INSR: variants seen among roughly 807,000 people sequenced by gnomAD.
INSR encodes the protein IR.
INSR carries 67 observed loss-of-function variants against 142.6 expected under a neutral mutation model. The ratio of observed to expected loss-of-function variants is 0.47; its 90% CI spans 0.39 to 0.58. The LOEUF is 0.58. INSR is among the 20% of genes least tolerant of loss of function. The probability of loss-of-function intolerance (pLI) is 0.00; values close to 1 mark genes in which losing one functional copy is unlikely to be tolerated. For synonymous variants in INSR, 756 were observed against 743.1 expected (o/e 1.02, Z -0.28); for missense variants, 1,248 against 1,833.2 (o/e 0.68, Z 5.83).
At chr19:7,187,048 C>T (rs1289258765) in intron 2 of INSR, among the ~76,000 whole-genome samples, 1 of 151,402 alleles carries the variant, frequency 6.6e-6, no homozygotes, top group Non-Finnish European at 1.5e-5. Flanking sequence ...CTCTAGGAAC[C>T]TCATATAAGT....
At chr19:7,248,751 A>G (rs1412203923) in intron 2 of INSR, among the ~76,000 whole-genome samples, 1 of 80,760 alleles carries the variant, frequency 1.2e-5, no homozygotes, top group Non-Finnish European at 2.2e-5. Flanking sequence ...CCGGTTGGCC[A>G]GAATTTTTTT....
At chr19:7,210,938 G>A (rs539643329) in intron 2 of INSR, among the ~76,000 whole-genome samples, 90 of 151,884 alleles carry the variant, frequency 5.9e-4, no homozygotes, top group Middle Eastern at 6.8e-3. Context: ...CCATGTTGGC[G>A]AGGCTGGTCT....
intron 2 of INSR, among the ~76,000 whole-genome samples, chr19:7,202,942 A>AC (rs1177939288): frequency 6.7e-6 from 1 of 149,736 alleles, no homozygotes; most frequent in Non-Finnish European, 1.5e-5. Flanking sequence ...AGAGATTAGA[A>AC]CCCGTACAAT....
intron 11 of INSR, among the ~76,000 whole-genome samples, chr19:7,144,771 A>G (rs1326646756): frequency 6.6e-6 from 1 of 151,172 alleles, no homozygotes; most frequent in Non-Finnish European, 1.5e-5. Context: ...TTACTTCCCC[A>G]AAGTAGATTC....
At position 7,122,627 on chromosome 19, in the gene INSR, A is replaced by G; in HGVS notation, c.3516T>C (p.Thr1172=). 1 of 1,614,232 alleles carries G rather than the reference A, an allele frequency of 6.2e-7. No homozygotes were observed. The highest frequency in any genetic ancestry group is 8.5e-7 in the Non-Finnish European group (1 of 1,180,040). The part of the protein sequence containing the change: ...ARNCMVAHDF[T]VKIGDFGMTR... ...AGCCAGACGAACCTCCAATTTTGAC[A>G]GTAAAATCATGGGCGACCATGCAGT... Residue 1172 remains threonine (T), a synonymous_variant, in exon 19 of 22, where the codon ACT becomes ACC. Coordinates refer to ENST00000302850, the MANE Select transcript of INSR (RefSeq NM_000208.4).
At position 7,172,397 on chromosome 19, in the gene INSR, G is replaced by A. The variant is rs756266703; in HGVS notation, c.1161C>T (p.Leu387=). ...TTAGATACCCTGAAATTTCTTCAAT[G>A]AGGCCGAGGTTGGCTTCTAGCTCAG... ...LAAELEANLG[L]IEEISGYLKI... Residue 387 remains leucine, a synonymous_variant, in exon 5 of 22, where the codon CTC becomes CTT. Coordinates refer to ENST00000302850, the MANE Select transcript of INSR (RefSeq NM_000208.4). 1.2e-6 allele frequency: 2 copies of A among 1,613,992 alleles called. No homozygotes were observed. Among genetic ancestry groups the A allele is most frequent in the Admixed American group, 1.7e-5 (1 of 59,976 alleles).
intron 2 of INSR, among the ~76,000 whole-genome samples, chr19:7,251,418 G>A (rs960349514): frequency 1.4e-4 from 21 of 151,714 alleles, no homozygotes; most frequent in African/African-American, 3.4e-4. Context: ...CACCATGCTC[G>A]GCTAATTTTT....
chr19:7,283,924 T>C (rs1968273911), intron 1 of INSR, among the ~76,000 whole-genome samples: 1 of 152,186 alleles, frequency 6.6e-6, no homozygotes, highest in South Asian at 2.1e-4. Context: ...TTATGTGTGT[T>C]TCTGTTGAAA....
intron 2 of INSR, among the ~76,000 whole-genome samples, chr19:7,265,787 T>C (rs536428711): frequency 1.3e-5 from 2 of 151,238 alleles, no homozygotes; most frequent in African/African-American, 4.8e-5. Flanking sequence ...AAACCTTTCA[T>C]GGGTAGAAGA....
intron 2 of INSR, among the ~76,000 whole-genome samples, chr19:7,235,503 A>T (rs1976129977): frequency 6.6e-6 from 1 of 152,170 alleles, no homozygotes; most frequent in Non-Finnish European, 1.5e-5. Context: ...GAGCTAATTA[A>T]ATTAATTACA....
intron 10 of INSR, among the ~76,000 whole-genome samples, chr19:7,151,141 C>T (rs866980626): frequency 0.033 from 4,342 of 131,936 alleles, 102 homozygotes; most frequent in Middle Eastern, 0.05. Context: ...TCCTTTCTTT[C>T]TCTCTTTCCT....
intron 9 of INSR, among the ~76,000 whole-genome samples, chr19:7,153,356 C>CACACA (rs1973484925): frequency 9.5e-6 from 1 of 105,400 alleles, no homozygotes; most frequent in African/African-American, 5.1e-5. Flanking sequence ...ACAGACCACA[C>CACACA]ACCACACACC....
At chr19:7,223,196 C>CA (rs200208933) in intron 2 of INSR, among the ~76,000 whole-genome samples, 3 of 151,644 alleles carry the variant, frequency 2.0e-5, no homozygotes, top group East Asian at 3.9e-4. Flanking sequence ...GACAAACAAA[C>CA]AAAAAAAACC....
intron 2 of INSR, among the ~76,000 whole-genome samples, chr19:7,261,393 T>C (rs1238959227): frequency 1.3e-5 from 2 of 152,126 alleles, no homozygotes; most frequent in East Asian, 1.9e-4. Flanking sequence ...ACTCTTCCCA[T>C]GTAAGGCTTC....
rs914045418 is a variant in INSR at position 7,122,253 on chromosome 19, C to T, written c.3529+361G>A. On this transcript the variant is annotated intron_variant, in intron 19 of 21. Transcript: ENST00000302850. ...GGTCAGGAGATCAAGACTATCCTGG[C>T]CAACATGGATGAAACCCCATCTCCA... 2.6e-5 allele frequency among the ~76,000 whole-genome samples: 4 copies of T among 151,732 alleles called. No homozygotes were observed. In the South Asian group the frequency reaches 8.3e-4, roughly 32 times the overall value.
Position 7,141,717 on chromosome 19 carries a change from A to G in INSR, c.2642T>C (p.Ile881Thr), listed in dbSNP as rs1047552200. The G allele has an allele frequency of 1.2e-6, 2 of 1,614,084 alleles. No homozygotes were observed. The highest frequency in any genetic ancestry group is 2.7e-5 in the African/African-American group (2 of 74,938). The part of the protein sequence containing the change: ...WQEPKEPNGL[I>T]VLYEVSYRRY... Reference sequence around the variant, plus strand: ...CCGATAACTCACTTCATACAGCACGATCAGACCATTGGGCTCCTTCGGCTC... The same window carrying G: ...CCGATAACTCACTTCATACAGCACGGTCAGACCATTGGGCTCCTTCGGCTC... Residue 881 changes from isoleucine (I) to threonine (T), a missense_variant, in exon 13 of 22, where the codon ATC (isoleucine) becomes ACC (threonine). Transcript: ENST00000302850.
rs940493790 is a variant in INSR, at chr19:7,225,446, C to G, written c.653-40809G>C. Reference sequence around the variant, plus strand: ...TGACACTCTCTGATTCTCCAGTGTACCATGTCACCAATTAGGTGTTTCAAG... The same window carrying G: ...TGACACTCTCTGATTCTCCAGTGTAGCATGTCACCAATTAGGTGTTTCAAG... On this transcript the variant is annotated intron_variant, in intron 2 of 21. Coordinates refer to ENST00000302850, the MANE Select transcript of INSR (RefSeq NM_000208.4). The surrounding 1 kb of genome is among the most constrained non-coding windows in gnomAD (Gnocchi z 4.7). 6.8e-6 allele frequency among the ~76,000 whole-genome samples: 1 copy of G among 147,536 alleles called. No homozygotes were observed. The highest frequency in any genetic ancestry group is 2.5e-5 in the African/African-American group (1 of 40,462).
At chr19:7,227,362 T>A (rs987042858) in intron 2 of INSR, among the ~76,000 whole-genome samples, 1 of 151,642 alleles carries the variant, frequency 6.6e-6, no homozygotes, top group Non-Finnish European at 1.5e-5. Context: ...AGCCTCAACC[T>A]CCTGAGCTCA....
chr19:7,260,024 T>C (rs1011196715), intron 2 of INSR, among the ~76,000 whole-genome samples: 1 of 151,794 alleles, frequency 6.6e-6, no homozygotes, highest in Non-Finnish European at 1.5e-5. Flanking sequence ...AAATAAAATA[T>C]CAAGGCAAAC....
Sources: gnomAD v4.1 joint callset for allele counts (sites outside exome capture counted in the v4.1 genomes callset) on GRCh38, gnomAD v4.1.1 for gene constraint, Gnocchi (gnomAD v3.1) non-coding constraint, MANE v1.5 for transcripts, NCBI Gene and HGNC (gene_info 2026-07-23, HGNC 2026-07-21) for gene names.